PRMT3: variants seen among roughly 807,000 people sequenced by gnomAD.
PRMT3 encodes the protein protein arginine N-methyltransferase 3.
In PRMT3, 62 loss-of-function variants were observed where a neutral mutation model predicts 71.9. The observed-to-expected ratio is 0.86, with a 90% CI of 0.70 to 1.07. The LOEUF is 1.07. PRMT3 is among the 50% of genes least tolerant of loss of function. The pLI is 0.00. For synonymous variants in PRMT3, 213 were observed against 220.4 expected, an observed-to-expected ratio of 0.97 and a Z score of 0.30; for missense variants, 663 against 643.0, an observed-to-expected ratio of 1.03 and a Z score of -0.34.
In PRMT3 at chr11:20,388,077, C is replaced by T; in HGVS notation, c.87C>T (p.Asp29=). 1.2e-6 allele frequency: 2 copies of T among 1,614,016 alleles called. No individual in the cohort carries two copies. The highest frequency in any genetic ancestry group is 2.7e-5 in the African/African-American group (2 of 75,032). ...TGCCAGAACTGTCGGACAGCGGGGA[C>T]GAGGCCGCCTGGGAGGATGAGGACG... The part of the protein sequence containing the change: ...EDLPELSDSG[D]EAAWEDEDDA... Residue 29 remains aspartate, a synonymous_variant, in exon 2 of 16, where the codon GAC becomes GAT. Transcript: ENST00000331079.
intron 11 of PRMT3, among the ~76,000 whole-genome samples, chr11:20,453,623 A>G (rs952823160): frequency 5.3e-5 from 8 of 152,132 alleles, no homozygotes; most frequent in South Asian, 2.1e-4. Flanking sequence ...ATTTTCTGCA[A>G]CCATTTCAAG....
chr11:20,402,119 G>T (rs1314869737), intron 7 of PRMT3, among the ~76,000 whole-genome samples: 1 of 147,080 alleles, frequency 6.8e-6, no homozygotes, highest in Admixed American at 7.3e-5. Context: ...TTTTGTTTTT[G>T]TTTTTTTTTG....
At chr11:20,431,996 G>C (rs1849664272) in intron 10 of PRMT3, among the ~76,000 whole-genome samples, 1 of 152,040 alleles carries the variant, frequency 6.6e-6, no homozygotes. Context: ...GCTAACATCT[G>C]AATCAAGAAT....
At chr11:20,446,627 C>T (rs965577340) in intron 10 of PRMT3, among the ~76,000 whole-genome samples, 4 of 152,136 alleles carry the variant, frequency 2.6e-5, no homozygotes, top group Non-Finnish European at 5.9e-5. Flanking sequence ...TACAAATTGT[C>T]ATAGTCTTTC....
At chr11:20,498,448 G>T (rs1851382039) in intron 15 of PRMT3, among the ~76,000 whole-genome samples, 1 of 152,122 alleles carries the variant, frequency 6.6e-6, no homozygotes, top group Non-Finnish European at 1.5e-5. Context: ...TCAAAAACTG[G>T]CCGGGCGTGA....
intron 4 of PRMT3, among the ~76,000 whole-genome samples, 164 bp from the exon 5 acceptor site, chr11:20,392,733 G>A (rs747604268): frequency 9.9e-5 from 15 of 151,236 alleles, no homozygotes; most frequent in South Asian, 4.2e-4. Context: ...TTAAGCAGTC[G>A]TCCAGCAAGT....
At chr11:20,449,324 G>T (rs1455382221) in intron 10 of PRMT3, among the ~76,000 whole-genome samples, 2 of 152,110 alleles carry the variant, frequency 1.3e-5, no homozygotes, top group Non-Finnish European at 2.9e-5. Flanking sequence ...TTGCACACCT[G>T]TTGTAAATTC....
At chr11:20,458,431 C>T (rs1382422490) in intron 11 of PRMT3, among the ~76,000 whole-genome samples, 7 of 152,296 alleles carry the variant, frequency 4.6e-5, no homozygotes, top group African/African-American at 1.7e-4. Flanking sequence ...GGCAGTGAAT[C>T]GAGAAGGACA....
At chr11:20,439,626 T>G (rs1203544206) in intron 10 of PRMT3, among the ~76,000 whole-genome samples, 1 of 152,134 alleles carries the variant, frequency 6.6e-6, no homozygotes, top group Admixed American at 6.5e-5. Flanking sequence ...GAGGTGTCCA[T>G]TTTAGAACTG....
At chr11:20,454,013 A>G (rs1850212728) in intron 11 of PRMT3, among the ~76,000 whole-genome samples, 1 of 152,148 alleles carries the variant, frequency 6.6e-6, no homozygotes, top group African/African-American at 2.4e-5. Flanking sequence ...ACAACATTAT[A>G]CATCATTTGT....
chr11:20,503,683 G>C (rs1040721236), intron 15 of PRMT3, among the ~76,000 whole-genome samples: 1 of 151,364 alleles, frequency 6.6e-6, no homozygotes, highest in Non-Finnish European at 1.5e-5. Flanking sequence ...TTATTGCCAA[G>C]TAATATTCCT....
intron 15 of PRMT3, among the ~76,000 whole-genome samples, chr11:20,504,731 A>T (rs1333276219): frequency 2.6e-5 from 4 of 151,402 alleles, no homozygotes; most frequent in Admixed American, 1.3e-4. Flanking sequence ...AGAGAGAGAG[A>T]GAGAGAGAGA....
intron 13 of PRMT3, among the ~76,000 whole-genome samples, chr11:20,486,580 ATGTATGCCC>A (rs1851077242): frequency 6.6e-6 from 1 of 152,142 alleles, no homozygotes; most frequent in Admixed American, 6.5e-5. Context: ...AATACAGGGC[ATGTATGCCC>A]TGTATTAGCC....
In PRMT3 at chr11:20,491,031, A is replaced by G. The variant is rs541656637; in HGVS notation, c.1348-2888A>G. Among the ~76,000 whole-genome samples, 44 of 152,268 alleles carry G rather than the reference A, an allele frequency of 2.9e-4. No individual in the cohort carries two copies. In the South Asian group the frequency reaches 6.8e-3, roughly 24 times the overall value. ...TAGATCTATAGGTCTCCAAGGTTCT[A>G]TAACATGCATTTTAATTGCTGTCTT... On this transcript the variant is annotated intron_variant, in intron 13 of 15. Coordinates refer to ENST00000331079, the MANE Select transcript of PRMT3 (RefSeq NM_005788.4).
chr11:20,439,878 A>G (rs970900626), intron 10 of PRMT3, among the ~76,000 whole-genome samples: 2 of 152,202 alleles, frequency 1.3e-5, no homozygotes, highest in Non-Finnish European at 2.9e-5. Flanking sequence ...ATATCAAGCT[A>G]TAAAGTATAC....
intron 10 of PRMT3, among the ~76,000 whole-genome samples, chr11:20,449,207 T>G (rs1043291908): frequency 7.9e-5 from 12 of 152,190 alleles, no homozygotes; most frequent in African/African-American, 2.9e-4. Context: ...AATGTCTTAT[T>G]AGTTCTATAT....
At chr11:20,420,533 T>C (rs988650805) in intron 9 of PRMT3, among the ~76,000 whole-genome samples, 1 of 152,088 alleles carries the variant, frequency 6.6e-6, no homozygotes, top group Non-Finnish European at 1.5e-5. Flanking sequence ...GGGCAATACA[T>C]TTTCACGGAT....
intron 15 of PRMT3, among the ~76,000 whole-genome samples, chr11:20,503,815 G>C (rs554668229): frequency 3.9e-5 from 6 of 152,228 alleles, no homozygotes; most frequent in African/African-American, 1.4e-4. Context: ...GGTGCAGACA[G>C]ATGTTTTCAT....
chr11:20,490,814 C>G (rs74667462), intron 13 of PRMT3, among the ~76,000 whole-genome samples: 1 of 152,074 alleles, frequency 6.6e-6, no homozygotes, highest in Non-Finnish European at 1.5e-5. Context: ...GTTTTCTGTT[C>G]TTGTTGTTCC....
Sources: gnomAD v4.1 joint callset for allele counts (sites outside exome capture counted in the v4.1 genomes callset) on GRCh38, gnomAD v4.1.1 for gene constraint, MANE v1.5 for transcripts, NCBI Gene and HGNC (gene_info 2026-07-23, HGNC 2026-07-21) for gene names.